TRIM59: variants seen among roughly 807,000 people sequenced by gnomAD.
TRIM59 encodes tripartite motif-containing protein 59.
Under a neutral mutation model 32.2 loss-of-function variants are expected in TRIM59, and 14 were observed. The observed-to-expected ratio is 0.43, with a 90% CI of 0.29 to 0.68. The LOEUF is 0.68. Ranked by LOEUF, TRIM59 falls within the 30% of genes least tolerant of loss-of-function variation. The probability of loss-of-function intolerance (pLI) is 0.15; values close to 1 mark genes in which losing one functional copy is unlikely to be tolerated. For synonymous variants in TRIM59, 163 were observed against 155.1 expected, an observed-to-expected ratio of 1.05 and a Z score of -0.38; for missense variants, 471 against 463.3, an observed-to-expected ratio of 1.02 and a Z score of -0.15.
chr3:160,439,100 T>C lies in TRIM59; in HGVS notation c.84A>G (p.Thr28=), dbSNP rs1172415321. ...EDPRVLPCSH[T]FCRNCLENIL... ...TGTTTTCCAAACAATTTCTACAAAA[T>C]GTATGAGAGCATGGCAGTACACGAG... The change falls in exon 3 of 3, where the codon ACA becomes ACG. Residue 28 remains threonine (T), a synonymous_variant. Coordinates refer to ENST00000309784, the MANE Select transcript of TRIM59 (RefSeq NM_173084.3). 40 of 1,549,542 alleles carry C rather than the reference T, an allele frequency of 2.6e-5. No homozygotes were observed. Among genetic ancestry groups the C allele is most frequent in the Non-Finnish European group, 3.4e-5 (39 of 1,150,124 alleles).
chr3:160,439,541 T>A (rs541258467), intron 2 of TRIM59, among the ~76,000 whole-genome samples: 34 of 152,268 alleles, frequency 2.2e-4, no homozygotes, highest in Non-Finnish European at 3.1e-4. Context: ...AATTCCCACA[T>A]GTTGTGGGAG....
At position 160,438,361 on chromosome 3, in the gene TRIM59, CG is replaced by C; in HGVS notation, c.822del (p.Val275LeufsTer7). ...TTGCTTACTCGAGGATAAATTTCAA[CG>C]GGTTGAACCTCAGGAAGTGGTCTTT... ...LKQRPLPEVQ[P>X]VEIYPRVSKI... On this transcript the variant is annotated frameshift_variant, in exon 3 of 3. Transcript: ENST00000309784. LOFTEE classifies it high-confidence loss of function. The C allele has an allele frequency of 6.2e-7, 1 of 1,613,454 alleles. No homozygotes were observed. Among genetic ancestry groups the C allele is most frequent in the Non-Finnish European group, 8.5e-7 (1 of 1,179,852 alleles).
intron 2 of TRIM59, among the ~76,000 whole-genome samples, chr3:160,446,806 T>A (rs1391665726): frequency 6.6e-6 from 1 of 152,210 alleles, no homozygotes; most frequent in Admixed American, 6.5e-5. Flanking sequence ...TGAACCCTAC[T>A]GTGAACTGCG....
intron 2 of TRIM59, among the ~76,000 whole-genome samples, chr3:160,439,663 C>A (rs1470330227): frequency 6.6e-6 from 1 of 152,130 alleles, no homozygotes; most frequent in Non-Finnish European, 1.5e-5. Context: ...TTCACTCATT[C>A]TCTTTTCTTG....
rs2108513994 is a variant in TRIM59, at chr3:160,437,669, G to A, written c.*303C>T. On this transcript the variant is annotated 3_prime_UTR_variant, in exon 3 of 3. Transcript: ENST00000309784. The stretch of plus-strand genomic sequence containing the variant: ...ACTGCAGTATATAATAATGGTAAAA[G>A]ACAATATTGGTACAAGAATGTTTAA... 7 of 1,031,662 alleles carry A rather than the reference G, an allele frequency of 6.8e-6. No homozygotes were observed. The highest frequency in any genetic ancestry group is 3.4e-5 in the African/African-American group (2 of 59,284). 63.9% of individuals were successfully genotyped at this position (1,031,662 alleles called of 1,614,324 possible). A position where few individuals can be genotyped will look rare whatever the true frequency, so the allele number is the denominator to read the frequency against.
intron 2 of TRIM59, among the ~76,000 whole-genome samples, chr3:160,442,461 A>G (rs1399083256): frequency 1.3e-5 from 2 of 151,996 alleles, no homozygotes; most frequent in Non-Finnish European, 2.9e-5. Context: ...GCACACCTGT[A>G]ATCCCTATAA....
Position 160,438,638 on chromosome 3 carries a change from C to T in TRIM59, c.546G>A (p.Lys182=), listed in dbSNP as rs1280419312. 1.9e-6 allele frequency: 3 copies of T among 1,612,832 alleles called. No individual in the cohort carries two copies. In the Admixed American group the frequency reaches 5.0e-5, roughly 27 times the overall value. The part of the protein sequence containing the change: ...SHSEKMIQGD[K]EAVLQYFKEL... ...CCTTAAAATACTGGAGAACAGCTTC[C>T]TTATCGCCTTGGATCATTTTCTCAG... is the stretch of plus-strand genomic sequence containing the variant. Residue 182 remains lysine, a synonymous_variant, in exon 3 of 3, where the codon AAG becomes AAA. Transcript: ENST00000309784.
chr3:160,443,971 A>G (rs1439262534), intron 2 of TRIM59, among the ~76,000 whole-genome samples: 3 of 152,188 alleles, frequency 2.0e-5, no homozygotes, highest in African/African-American at 7.2e-5. Flanking sequence ...GAAATGCTTC[A>G]TGTATATGAA....
chr3:160,436,012 GA>G lies in TRIM59; in HGVS notation c.*1959del. Reference sequence around the variant, plus strand: ...AAACTACAGGGCACTTTTATGGTGTGACTAGTATTTTAAGTAATCAGTGCAA... The same window carrying G: ...AAACTACAGGGCACTTTTATGGTGTGCTAGTATTTTAAGTAATCAGTGCAA... On this transcript the variant is annotated 3_prime_UTR_variant, in exon 3 of 3. Transcript: ENST00000309784. 3 of 1,229,098 alleles carry G rather than the reference GA, an allele frequency of 2.4e-6. No individual in the cohort carries two copies. Among genetic ancestry groups the G allele is most frequent in the Non-Finnish European group, 3.1e-6 (3 of 961,794 alleles). 76.1% of individuals were successfully genotyped at this position (1,229,098 alleles called of 1,614,324 possible).
chr3:160,437,917 T>G lies in TRIM59; in HGVS notation c.*55A>C. 6.9e-7 allele frequency: 1 copy of G among 1,442,326 alleles called. No individual in the cohort carries two copies. Among genetic ancestry groups the G allele is most frequent in the Non-Finnish European group, 9.1e-7 (1 of 1,098,876 alleles). The allele number at this position is 1,442,326 out of a possible 1,614,324, so 89.3% of individuals were successfully genotyped here. ...TTGCTCTTTATCCATGCTACCCCAT[T>G]TTTTGTTTAGCAATGTACAGAATAA... On this transcript the variant is annotated 3_prime_UTR_variant, in exon 3 of 3. Coordinates refer to ENST00000309784, the MANE Select transcript of TRIM59 (RefSeq NM_173084.3).
chr3:160,449,754 G>A lies in TRIM59; in HGVS notation c.-111C>T, dbSNP rs949720421. Reference sequence around the variant, plus strand: ...GCGGACCAGGCAACTCCACAGCACGGAAACACAGCGCCACGAGCTCCAGGC... The same window carrying A: ...GCGGACCAGGCAACTCCACAGCACGAAAACACAGCGCCACGAGCTCCAGGC... On this transcript the variant is annotated 5_prime_UTR_variant, in exon 1 of 3. Coordinates refer to ENST00000309784, the MANE Select transcript of TRIM59 (RefSeq NM_173084.3). 17 of 1,286,556 alleles carry A rather than the reference G, an allele frequency of 1.3e-5. No individual in the cohort carries two copies. Among genetic ancestry groups the A allele is most frequent in the Non-Finnish European group, 1.6e-5 (16 of 986,016 alleles). 79.7% of individuals were successfully genotyped at this position (1,286,556 alleles called of 1,614,324 possible). A position where few individuals can be genotyped will look rare whatever the true frequency, so the allele number is the denominator to read the frequency against.
chr3:160,442,293 A>C (rs952588810), intron 2 of TRIM59, among the ~76,000 whole-genome samples: 22 of 152,328 alleles, frequency 1.4e-4, no homozygotes, highest in African/African-American at 5.3e-4. Flanking sequence ...TTAGAATGAG[A>C]ATATTCATGA....
At chr3:160,448,110 C>T (rs929963549) in intron 2 of TRIM59, among the ~76,000 whole-genome samples, 3 of 151,984 alleles carry the variant, frequency 2.0e-5, no homozygotes, top group Non-Finnish European at 4.4e-5. Flanking sequence ...TGATATCAAC[C>T]TGTTTCCCTA....
At position 160,437,472 on chromosome 3, in the gene TRIM59, T is replaced by C. The variant is rs1269231999; in HGVS notation, c.*500A>G. ...AAATCTATCTCAAACACAGGTATGTTTGATCAAAAGATCTTTAAGCCATGC... is the reference window on the plus strand; with the variant it reads ...AAATCTATCTCAAACACAGGTATGTCTGATCAAAAGATCTTTAAGCCATGC... On this transcript the variant is annotated 3_prime_UTR_variant, in exon 3 of 3. Transcript: ENST00000309784. 4 of 985,344 alleles carry C rather than the reference T, an allele frequency of 4.1e-6. No individual in the cohort carries two copies. The African/African-American group carries it at 5.2e-5, about 13-fold the overall frequency. 61.0% of individuals were successfully genotyped at this position (985,344 alleles called of 1,614,324 possible). A position where few individuals can be genotyped will look rare whatever the true frequency, so the allele number is the denominator to read the frequency against.
chr3:160,448,439 T>C (rs904308047), intron 2 of TRIM59, among the ~76,000 whole-genome samples: 2 of 152,244 alleles, frequency 1.3e-5, no homozygotes, highest in Admixed American at 6.5e-5. Flanking sequence ...GATCTGTATG[T>C]ATAAAATAAC....
At position 160,437,125 on chromosome 3, in the gene TRIM59, G is replaced by C; in HGVS notation, c.*847C>G. ...CCAGCACTTTGGGAGGCCAAGGTGG[G>C]CAGATCTCTTGAGCCCAGAAGTTTG... On this transcript the variant is annotated 3_prime_UTR_variant, in exon 3 of 3. Coordinates refer to ENST00000309784, the MANE Select transcript of TRIM59 (RefSeq NM_173084.3). The C allele has an allele frequency of 1.1e-6, 1 of 932,262 alleles. No individual in the cohort carries two copies. Among genetic ancestry groups the C allele is most frequent in the Non-Finnish European group, 1.3e-6 (1 of 781,542 alleles). 57.7% of individuals were successfully genotyped at this position (932,262 alleles called of 1,614,324 possible).
intron 2 of TRIM59, among the ~76,000 whole-genome samples, chr3:160,439,441 G>C (rs931615201): frequency 2.6e-5 from 4 of 152,140 alleles, no homozygotes; most frequent in Non-Finnish European, 5.9e-5. Flanking sequence ...GTAGTAAAAT[G>C]CTTCAAATTT....
At position 160,449,751 on chromosome 3, in the gene TRIM59, A is replaced by T. The variant is rs1577022765; in HGVS notation, c.-108T>A. ...GAAGCGGACCAGGCAACTCCACAGC[A>T]CGGAAACACAGCGCCACGAGCTCCA... On this transcript the variant is annotated 5_prime_UTR_variant, in exon 1 of 3. Transcript: ENST00000309784. 7.8e-7 allele frequency: 1 copy of T among 1,287,942 alleles called. No individual in the cohort carries two copies. Among genetic ancestry groups the T allele is most frequent in the East Asian group, 5.6e-5 (1 of 18,002 alleles). 79.8% of individuals were successfully genotyped at this position (1,287,942 alleles called of 1,614,324 possible).
Position 160,438,424 on chromosome 3 carries a change from C to A in TRIM59, c.760G>T (p.Val254Phe). The A allele has an allele frequency of 6.2e-7, 1 of 1,613,996 alleles. No homozygotes were observed. Among genetic ancestry groups the A allele is most frequent in the Non-Finnish European group, 8.5e-7 (1 of 1,179,980 alleles). Residue 254 changes from valine to phenylalanine, a missense_variant, in exon 3 of 3, where the codon GTT becomes TTT. Val to Phe is a conservative substitution (Grantham distance 50). Transcript: ENST00000309784. ...TGTACATGCTGGCGTACATCATCAACTTTTTCAAGAAATTTAAGTGGAGAC... is the reference window on the plus strand; with the variant it reads ...TGTACATGCTGGCGTACATCATCAAATTTTTCAAGAAATTTAAGTGGAGAC... ...EESPLKFLEK[V>F]DDVRQHVQIL...
Sources: gnomAD v4.1 joint callset for allele counts (sites outside exome capture counted in the v4.1 genomes callset) on GRCh38, gnomAD v4.1.1 for gene constraint, MANE v1.5 for transcripts, NCBI Gene and HGNC (gene_info 2026-07-23, HGNC 2026-07-21) for gene names.